MLLT3: variants seen among roughly 807,000 people sequenced by gnomAD.
MLLT3 encodes MLLT3 super elongation complex subunit, also known as protein AF-9.
A neutral mutation model predicts 53.2 loss-of-function variants in MLLT3; 4 were observed. That is an observed-to-expected ratio of 0.08 (90% CI 0.04 to 0.17). MLLT3 has a LOEUF of 0.17. Among genes scored for constraint, MLLT3 ranks in the 10% least tolerant of loss-of-function variants. MLLT3 has a pLI of 1.00. For synonymous variants in MLLT3, 283 were observed against 230.6 expected (o/e 1.23, Z -2.06); for missense variants, 569 against 684.0 (o/e 0.83, Z 1.87).
At chr9:20,539,494 G>T (rs1182893804) in intron 2 of MLLT3, among the ~76,000 whole-genome samples, 1 of 152,118 alleles carries the variant, frequency 6.6e-6, no homozygotes, top group Admixed American at 6.5e-5. Flanking sequence ...AAGGCAAAGG[G>T]GAAGCAAGGC....
intron 8 of MLLT3, among the ~76,000 whole-genome samples, chr9:20,359,832 G>T (rs1478305176): frequency 6.6e-6 from 1 of 152,130 alleles, no homozygotes; most frequent in Non-Finnish European, 1.5e-5. Context: ...TTATTGTAGA[G>T]GTCATAGGAA....
intron 2 of MLLT3, among the ~76,000 whole-genome samples, chr9:20,615,132 C>T (rs959271724): frequency 1.3e-5 from 2 of 151,508 alleles, no homozygotes; most frequent in African/African-American, 4.9e-5. Context: ...TCACCTGGGC[C>T]CAGGAGTTGG....
chr9:20,423,522 T>C (rs1823068059), intron 4 of MLLT3, among the ~76,000 whole-genome samples: 1 of 151,822 alleles, frequency 6.6e-6, no homozygotes, highest in Admixed American at 6.6e-5. Flanking sequence ...CCAAGAATAT[T>C]CAGGAAAAGG....
chr9:20,402,623 A>G (rs1822483791), intron 5 of MLLT3, among the ~76,000 whole-genome samples: 1 of 152,172 alleles, frequency 6.6e-6, no homozygotes, highest in Non-Finnish European at 1.5e-5. Flanking sequence ...TTGATTTGCC[A>G]GATACCTAAA....
intron 2 of MLLT3, among the ~76,000 whole-genome samples, chr9:20,559,474 G>A (rs1036510626): frequency 2.6e-5 from 4 of 152,198 alleles, no homozygotes; most frequent in African/African-American, 9.6e-5. Context: ...CACTCCGGAA[G>A]AATAAAACTT....
intron 2 of MLLT3, among the ~76,000 whole-genome samples, chr9:20,529,921 T>C (rs1818289453): frequency 1.3e-5 from 2 of 152,072 alleles, no homozygotes; most frequent in Admixed American, 1.3e-4. Context: ...TATTTTCCTG[T>C]CTCTGATTCC....
intron 2 of MLLT3, among the ~76,000 whole-genome samples, chr9:20,588,181 G>A (rs1407761083): frequency 6.6e-5 from 10 of 151,792 alleles, no homozygotes; most frequent in Non-Finnish European, 1.2e-4. Context: ...TGAGGGCTCT[G>A]TTCTGTTCCA....
chr9:20,518,552 T>C (rs533348374), intron 2 of MLLT3, among the ~76,000 whole-genome samples: 109 of 152,206 alleles, frequency 7.2e-4, no homozygotes, highest in African/African-American at 2.6e-3. Context: ...TCTCAAAGTA[T>C]CTCTCCCAAG....
At chr9:20,488,508 C>T (rs368162357) in intron 2 of MLLT3, among the ~76,000 whole-genome samples, 20 of 152,138 alleles carry the variant, frequency 1.3e-4, no homozygotes, top group Middle Eastern at 3.4e-3. Context: ...ATAAAGAGTG[C>T]GAATCATTTC....
chr9:20,389,217 A>C (rs76308824), intron 5 of MLLT3, among the ~76,000 whole-genome samples: 1 of 152,224 alleles, frequency 6.6e-6, no homozygotes, highest in Admixed American at 6.5e-5. Flanking sequence ...ATGGTACAAC[A>C]TAAGTAAGTC....
intron 2 of MLLT3, among the ~76,000 whole-genome samples, chr9:20,488,515 T>C (rs1011092175): frequency 6.6e-6 from 1 of 152,194 alleles, no homozygotes; most frequent in Admixed American, 6.6e-5. Context: ...GTGCGAATCA[T>C]TTCCCTGATT....
intron 5 of MLLT3, among the ~76,000 whole-genome samples, chr9:20,370,553 T>G (rs1821573136): frequency 6.6e-6 from 1 of 151,982 alleles, no homozygotes; most frequent in African/African-American, 2.4e-5. Flanking sequence ...TCTTGTTGCC[T>G]AGGCTGCAGT....
At chr9:20,549,393 C>A (rs1435667131) in intron 2 of MLLT3, among the ~76,000 whole-genome samples, 2 of 152,220 alleles carry the variant, frequency 1.3e-5, no homozygotes, top group South Asian at 2.1e-4. Flanking sequence ...ACAACAACAA[C>A]GACTAACTCA....
chr9:20,481,080 T>TA (rs1442728841), intron 2 of MLLT3, among the ~76,000 whole-genome samples: 1 of 152,158 alleles, frequency 6.6e-6, no homozygotes, highest in Non-Finnish European at 1.5e-5. Flanking sequence ...GTATTATTGG[T>TA]AAAAATGTTA....
At chr9:20,453,589 G>C (rs564259109) in intron 3 of MLLT3, among the ~76,000 whole-genome samples, 2 of 152,164 alleles carry the variant, frequency 1.3e-5, no homozygotes, top group Admixed American at 1.3e-4. Context: ...CTTTATATAT[G>C]TAAGCTTCTT....
intron 5 of MLLT3, among the ~76,000 whole-genome samples, chr9:20,394,706 G>C (rs1462688084): frequency 2.6e-5 from 4 of 152,064 alleles, no homozygotes; most frequent in African/African-American, 9.7e-5. Flanking sequence ...CTGGCTGTAA[G>C]ATACACTTTG....
chr9:20,419,029 T>A (rs960602769), intron 4 of MLLT3, among the ~76,000 whole-genome samples: 1 of 152,096 alleles, frequency 6.6e-6, no homozygotes, highest in Admixed American at 6.6e-5. Flanking sequence ...CAGCTCAACC[T>A]CAATCCCAAT....
At chr9:20,514,779 TA>T (rs1353880077) in intron 2 of MLLT3, among the ~76,000 whole-genome samples, 2 of 152,070 alleles carry the variant, frequency 1.3e-5, no homozygotes, top group Non-Finnish European at 2.9e-5. Flanking sequence ...GCCTCTCGAT[TA>T]AATCATTACC....
At chr9:20,535,923 G>A (rs1381489033) in intron 2 of MLLT3, among the ~76,000 whole-genome samples, 1 of 151,976 alleles carries the variant, frequency 6.6e-6, no homozygotes, top group African/African-American at 2.4e-5. Flanking sequence ...CCACCAAGAG[G>A]CAGACATGAC....
Sources: gnomAD v4.1 joint callset for allele counts (sites outside exome capture counted in the v4.1 genomes callset) on GRCh38, gnomAD v4.1.1 for gene constraint, MANE v1.5 for transcripts, NCBI Gene and HGNC (gene_info 2026-07-23, HGNC 2026-07-21) for gene names.